Variants in ABCC3 observed in about 807,000 individuals in gnomAD.
ABCC3 encodes the protein ATP binding cassette subfamily C member 3.
In ABCC3, 121 loss-of-function variants were observed where a neutral mutation model predicts 165.3. The observed-to-expected ratio is 0.73, with a 90% CI of 0.63 to 0.85. The LOEUF is 0.85. Ranked by LOEUF, ABCC3 falls within the 40% of genes least tolerant of loss-of-function variation. The pLI is 0.00. For missense variants in ABCC3, 1,869 were observed against 1,964.1 expected (o/e 0.95, Z 0.92); for synonymous variants, 733 against 810.1 (o/e 0.90, Z 1.62).
In ABCC3 at chr17:50,659,748, G is replaced by A. The variant is rs185809071; in HGVS notation, c.806+380G>A. On this transcript the variant is annotated intron_variant, in intron 7 of 30. Coordinates refer to ENST00000285238, the MANE Select transcript of ABCC3 (RefSeq NM_003786.4). ...AGCTGTAATCCTAACACTTTGAGAT[G>A]CCAAGGCAGGAGGATTGCTTGAGTC... Among the ~76,000 whole-genome samples, 111 of 152,300 alleles carry A rather than the reference G, an allele frequency of 7.3e-4. 1 individual carries two copies. The highest frequency in any genetic ancestry group is 7.8e-4 in the Admixed American group (12 of 15,300).
chr17:50,659,285 G>A lies in ABCC3; in HGVS notation c.723G>A (p.Trp241Ter), dbSNP rs1270270533. Residue 241 changes from tryptophan to a stop codon, truncating the protein, a stop_gained, in exon 7 of 31, where the codon TGG (tryptophan) becomes TGA (stop). Transcript: ENST00000285238. LOFTEE classifies it high-confidence loss of function. ...YRHPLEEKDL[W>*]SLKEEDRSQM... is the part of the protein sequence containing the mutation. ...ATCCCCTGGAGGAGAAGGACCTCTG[G>A]TCCCTAAAGGAAGAGGACAGATCCC... is the stretch of plus-strand genomic sequence containing the variant. 1 of 1,613,998 alleles carries A rather than the reference G, an allele frequency of 6.2e-7. No homozygotes were observed. The highest frequency in any genetic ancestry group is 1.1e-5 in the South Asian group (1 of 91,078).
chr17:50,663,590 G>A, intron 8 of ABCC3, 91 bp from the exon 9 acceptor site: 1 of 1,470,332 alleles, frequency 6.8e-7, no homozygotes, highest in South Asian at 1.2e-5. Context: ...CAGGGGTGCA[G>A]TGGAGACTGC....
chr17:50,648,220 G>A (rs904826745), intron 1 of ABCC3, among the ~76,000 whole-genome samples: 42 of 152,234 alleles, frequency 2.8e-4, no homozygotes, highest in African/African-American at 9.9e-4. Flanking sequence ...CACCTTTTTG[G>A]AAAGTGAGAA....
At chr17:50,676,653 G>T in intron 23 of ABCC3, 65 bp downstream of exon 23, 2 of 1,321,552 alleles carry the variant, frequency 1.5e-6, no homozygotes, top group Admixed American at 2.0e-5. Flanking sequence ...ACATGGGCGG[G>T]GGCAGCAGGG....
Position 50,663,832 on chromosome 17 carries a change from G to A in ABCC3, c.1150G>A (p.Gly384Arg). ...IFVTGVKFRTGIMGVIYRKAL... is the reference protein window; with the variant it reads ...IFVTGVKFRTRIMGVIYRKAL... ...TGTGACTGGGGTGAAGTTTCGTACT[G>A]GGATCATGGGTGTCATCTACAGGAA... The change falls in exon 9 of 31, where the codon GGG becomes AGG. Residue 384 changes from glycine (G) to arginine (R), a missense_variant. Transcript: ENST00000285238. The A allele has an allele frequency of 6.2e-7, 1 of 1,614,158 alleles. No individual in the cohort carries two copies. Among genetic ancestry groups the A allele is most frequent in the Non-Finnish European group, 8.5e-7 (1 of 1,180,032 alleles).
intron 1 of ABCC3, among the ~76,000 whole-genome samples, chr17:50,654,202 T>C (rs1967175459): frequency 1.3e-5 from 2 of 152,234 alleles, no homozygotes; most frequent in Admixed American, 1.3e-4. Context: ...AGAAAATAGT[T>C]ATATCCTCAG....
In ABCC3 at chr17:50,676,334, C is replaced by T. The variant is rs951298957; in HGVS notation, c.3124C>T (p.Arg1042Cys). ...AMAAGGIQAA[R>C]VLHQALLHNK... is the part of the protein sequence containing the mutation. Reference sequence around the variant, plus strand: ...GGCAGCGGGTGGCATCCAGGCTGCCCGTGTGTTGCACCAGGCACTGCTGCA... The same window carrying T: ...GGCAGCGGGTGGCATCCAGGCTGCCTGTGTGTTGCACCAGGCACTGCTGCA... Residue 1042 changes from arginine (R) to cysteine (C), a missense_variant, in exon 23 of 31, where the codon CGT becomes TGT. Arg to Cys is a radical substitution (Grantham distance 180, BLOSUM62 -3). Transcript: ENST00000285238. 29 of 1,613,996 alleles carry T rather than the reference C, an allele frequency of 1.8e-5. No individual in the cohort carries two copies. Among genetic ancestry groups the T allele is most frequent in the South Asian group, 3.3e-5 (3 of 91,080 alleles).
chr17:50,671,883 C>T (rs545241247), intron 17 of ABCC3, among the ~76,000 whole-genome samples: 5 of 151,582 alleles, frequency 3.3e-5, no homozygotes, highest in African/African-American at 7.3e-5. Flanking sequence ...AACTACAGCC[C>T]GACTAATTTT....
At chr17:50,668,250 C>T (rs1967568729) in intron 13 of ABCC3, among the ~76,000 whole-genome samples, 180 bp from the exon 14 acceptor site, 1 of 152,132 alleles carries the variant, frequency 6.6e-6, no homozygotes, top group Non-Finnish European at 1.5e-5. Context: ...CTCTTACCAA[C>T]CTGGACTTTC....
At chr17:50,683,554 G>A (rs1967963011) in intron 26 of ABCC3, 56 bp from the exon 27 acceptor site, 1 of 1,483,134 alleles carries the variant, frequency 6.7e-7, no homozygotes, top group East Asian at 2.4e-5. Flanking sequence ...GAGACCGAAA[G>A]GTGAAAGAGG....
chr17:50,644,310 C>CAAAAAAA (rs57937379), intron 1 of ABCC3, among the ~76,000 whole-genome samples: 28 of 51,224 alleles, frequency 5.5e-4, no homozygotes, highest in African/African-American at 7.7e-4. Context: ...GACTCCGTCT[C>CAAAAAAA]AAAAAAAAAA....
Position 50,669,350 on chromosome 17 carries a change from A to G in ABCC3, c.2065-2A>G, listed in dbSNP as rs770216900. 5 of 1,614,118 alleles carry G rather than the reference A, an allele frequency of 3.1e-6. No individual in the cohort carries two copies. The Admixed American group carries it at 6.7e-5, about 22-fold the overall frequency. On this transcript the variant is annotated splice_acceptor_variant, in intron 16 of 30. Transcript: ENST00000285238. LOFTEE classifies it high-confidence loss of function. ...CCCGAGGTAAATTTCTCCTGTGGCC[A>G]GGGCTCCGTGGCCTATGTGCCCCAG... is the stretch of plus-strand genomic sequence containing the variant.
At chr17:50,665,800 TG>T (rs1967514025) in intron 11 of ABCC3, among the ~76,000 whole-genome samples, 2 of 151,144 alleles carry the variant, frequency 1.3e-5, no homozygotes, top group Admixed American at 1.3e-4. Context: ...TTAGTAGAGA[TG>T]GGGTTTCACC....
At chr17:50,690,602 T>C (rs947946100) in intron 30 of ABCC3, among the ~76,000 whole-genome samples, 1 of 152,084 alleles carries the variant, frequency 6.6e-6, no homozygotes, top group Non-Finnish European at 1.5e-5. Context: ...GTGTGTGAGC[T>C]GGAGACCCAC....
chr17:50,647,771 C>T (rs988590557), intron 1 of ABCC3, among the ~76,000 whole-genome samples: 22 of 152,236 alleles, frequency 1.4e-4, no homozygotes, highest in Admixed American at 1.4e-3. Flanking sequence ...GGCATGGTGT[C>T]TCACACCTGT....
intron 15 of ABCC3, 101 bp from the exon 16 acceptor site, chr17:50,669,039 G>T (rs1307274167): frequency 6.3e-7 from 1 of 1,594,218 alleles, no homozygotes; most frequent in South Asian, 1.1e-5. Context: ...CTGCCAGGGG[G>T]GTGTCTGGAA....
chr17:50,656,816 G>T lies in ABCC3; in HGVS notation c.337G>T (p.Gly113Trp), dbSNP rs760922676. 53 of 1,610,896 alleles carry T rather than the reference G, an allele frequency of 3.3e-5. No individual in the cohort carries two copies. In the South Asian group the frequency reaches 5.6e-4, roughly 17 times the overall value. The change falls in exon 3 of 31, where the codon GGG (glycine) becomes TGG (tryptophan). Residue 113 changes from glycine (G) to tryptophan (W), a missense_variant. Gly to Trp is a radical substitution (Grantham distance 184, BLOSUM62 -2). Transcript: ENST00000285238. ...TTTCTTTGTCACCCCCTTGGTGGTG[G>T]GGGTCACCATGGTCAGTGTGGGGCC... ...PVFFVTPLVV[G>W]VTMLLATLLI...
chr17:50,657,842 G>T (rs1213134405), intron 4 of ABCC3, among the ~76,000 whole-genome samples: 1 of 152,198 alleles, frequency 6.6e-6, no homozygotes, highest in Non-Finnish European at 1.5e-5. Context: ...GTTAGACAAG[G>T]TCATGTAGGT....
chr17:50,655,915 C>G lies in ABCC3; in HGVS notation c.129C>G (p.Ile43Met). ...QNSLLAWVPC[I>M]YLWVALPCYL... is the part of the protein sequence containing the mutation. ...CCCTGCTGGCCTGGGTGCCCTGCATCTACCTGTGGGTCGCCCTGCCCTGCT... is the reference window on the plus strand; with the variant it reads ...CCCTGCTGGCCTGGGTGCCCTGCATGTACCTGTGGGTCGCCCTGCCCTGCT... Residue 43 changes from isoleucine to methionine, a missense_variant, in exon 2 of 31, where the codon ATC becomes ATG. Ile to Met is a conservative substitution (Grantham distance 10, BLOSUM62 1). Transcript: ENST00000285238. 6.2e-7 allele frequency: 1 copy of G among 1,614,084 alleles called. No individual in the cohort carries two copies.
Sources: allele counts gnomAD v4.1 joint callset (sites outside exome capture counted in the v4.1 genomes callset), GRCh38; gene constraint gnomAD v4.1.1; transcripts MANE v1.5; gene names NCBI Gene and HGNC (gene_info 2026-07-23, HGNC 2026-07-21).